The following ZNF469 variants were observed in gnomAD, a reference collection of about 807,000 sequenced individuals.
The protein encoded by ZNF469 is zinc finger protein 469.
Under a neutral mutation model 1.0 loss-of-function variants are expected in ZNF469, and 1 was observed. The observed-to-expected ratio is 1.00, with a 90% CI of 0.35 to 4.73. ZNF469 has a LOEUF of 4.73. ZNF469 is among the 30% of genes most tolerant of loss of function. ZNF469 has a pLI of 0.16. For synonymous variants in ZNF469, 2,703 were observed against 2,363.4 expected (o/e 1.14, Z -4.17); for missense variants, 6,100 against 5,356.3 (o/e 1.14, Z -4.33).
the ZNF469 span, among the ~76,000 whole-genome samples, chr16:88,210,892 C>T: frequency 1.3e-5 from 2 of 152,182 alleles, no homozygotes; most frequent in Non-Finnish European, 2.9e-5. Flanking sequence ...ACTGTGCTAA[C>T]GTGTTTATTT....
In ZNF469 at chr16:88,430,748, A is replaced by G. The variant is rs533979613; in HGVS notation, c.3278A>G (p.Asp1093Gly). Residue 1093 changes from aspartate (D) to glycine (G), a missense_variant, in exon 3 of 3, where the codon GAC becomes GGC. Physicochemically the swap from Asp to Gly is moderately conservative, Grantham distance 94 (BLOSUM62 -1). Coordinates refer to ENST00000565624, the MANE Select transcript of ZNF469 (RefSeq NM_001367624.2). The stretch of plus-strand genomic sequence containing the variant: ...GAGGACCGCAGGCTCCGCGAGTACG[A>G]CTTCGCCTCGGAGTCCGAGGAGGAC... ...GAEDRRLREYDFASESEEDEQ... is the reference protein window; with the variant it reads ...GAEDRRLREYGFASESEEDEQ... The G allele has an allele frequency of 1.2e-4, 185 of 1,505,954 alleles. 1 individual carries two copies. The South Asian group carries it at 2.2e-3, about 18-fold the overall frequency. The allele number at this position is 1,505,954 out of a possible 1,614,324, so 93.3% of individuals were successfully genotyped here.
the ZNF469 span, among the ~76,000 whole-genome samples, chr16:88,227,128 G>A: frequency 1.3e-5 from 2 of 151,610 alleles, no homozygotes; most frequent in Admixed American, 6.6e-5. Context: ...CCTCCACGCC[G>A]GGGCCTCCAC....
the ZNF469 span, among the ~76,000 whole-genome samples, chr16:88,147,582 A>G: frequency 0.027 from 4,092 of 152,072 alleles, 202 homozygotes; most frequent in African/African-American, 0.093. Flanking sequence ...GGGGCCTGTG[A>G]GTTGGAGGAG....
In ZNF469 at chr16:88,429,978, T is replaced by C. The variant is rs1447365697; in HGVS notation, c.2508T>C (p.Asp836=). The C allele has an allele frequency of 1.3e-6, 2 of 1,550,174 alleles. No homozygotes were observed. Among genetic ancestry groups the C allele is most frequent in the African/African-American group, 1.4e-5 (1 of 73,094 alleles). Residue 836 remains aspartate (D), a synonymous_variant, in exon 3 of 3, where the codon GAT becomes GAC. Coordinates refer to ENST00000565624, the MANE Select transcript of ZNF469 (RefSeq NM_001367624.2). ...CTGCCTCGGACCTGGACATGGAGGATGACGCCAAGCTGGACAGCCTCATCA... is the reference window on the plus strand; with the variant it reads ...CTGCCTCGGACCTGGACATGGAGGACGACGCCAAGCTGGACAGCCTCATCA... ...PLPASDLDME[D]DAKLDSLITE...
the ZNF469 span, among the ~76,000 whole-genome samples, chr16:88,187,535 C>T: frequency 6.6e-6 from 1 of 152,156 alleles, no homozygotes; most frequent in South Asian, 2.1e-4. Context: ...TGGCACCAGC[C>T]GGGACCCCAA....
the ZNF469 span, among the ~76,000 whole-genome samples, chr16:88,229,643 GTGC>G: frequency 8.8e-6 from 1 of 113,916 alleles, no homozygotes; most frequent in East Asian, 2.6e-4. Context: ...TCACGTGTGT[GTGC>G]TGATGTCACG....
chr16:88,295,891 G>A, the ZNF469 span, among the ~76,000 whole-genome samples: 3 of 152,204 alleles, frequency 2.0e-5, no homozygotes, highest in African/African-American at 4.8e-5. Context: ...CTCAACCTGC[G>A]TTCTGTCGCC....
chr16:88,144,797 A>G, the ZNF469 span, among the ~76,000 whole-genome samples: 1 of 151,730 alleles, frequency 6.6e-6, no homozygotes, highest in Non-Finnish European at 1.5e-5. Context: ...AGACGTGTCC[A>G]TATTCTAGAG....
At chr16:88,103,828 G>A in the ZNF469 span, among the ~76,000 whole-genome samples, 22 of 149,772 alleles carry the variant, frequency 1.5e-4, no homozygotes, top group South Asian at 8.4e-4. Flanking sequence ...AAAAGGGAGC[G>A]GTGGAATAAT....
upstream of ZNF469, among the ~76,000 whole-genome samples, chr16:88,380,443 T>C (rs1242463026): frequency 2.0e-5 from 2 of 97,674 alleles, no homozygotes; most frequent in South Asian, 7.4e-4. Flanking sequence ...ACATACACAG[T>C]CACACACAGA....
chr16:88,373,245 G>A, the ZNF469 span, among the ~76,000 whole-genome samples: 1 of 152,222 alleles, frequency 6.6e-6, no homozygotes, highest in Non-Finnish European at 1.5e-5. Flanking sequence ...GGCTCCTCCT[G>A]CAGTGGCCAC....
At position 88,437,802 on chromosome 16, in the gene ZNF469, GC is replaced by G; in HGVS notation, c.10333del (p.Arg3445GlyfsTer56). The G allele has an allele frequency of 6.5e-7, 1 of 1,545,252 alleles. No homozygotes were observed. Among genetic ancestry groups the G allele is most frequent in the Non-Finnish European group, 8.7e-7 (1 of 1,143,150 alleles). On this transcript the variant is annotated frameshift_variant, in exon 3 of 3. Coordinates refer to ENST00000565624, the MANE Select transcript of ZNF469 (RefSeq NM_001367624.2). LOFTEE classifies it low-confidence loss of function (END_TRUNC). ...ACATGAACAAGCACCTCAGGGGGGG[GC>G]GGCAGCCCTTCGCGTTCCGCGGCGT... ...RHMNKHLRGG[R>X]QPFAFRGVRR...
At chr16:88,334,417 T>C in the ZNF469 span, among the ~76,000 whole-genome samples, 16 of 152,348 alleles carry the variant, frequency 1.1e-4, no homozygotes, top group Middle Eastern at 6.8e-3. Flanking sequence ...TGAGCATCCC[T>C]GACCCAGCAT....
chr16:88,130,949 G>A, the ZNF469 span, among the ~76,000 whole-genome samples: 1 of 152,238 alleles, frequency 6.6e-6, no homozygotes, highest in East Asian at 1.9e-4. Flanking sequence ...GTCCCGATGA[G>A]GACGAGGTGC....
At chr16:88,316,250 C>A in the ZNF469 span, among the ~76,000 whole-genome samples, 1 of 152,224 alleles carries the variant, frequency 6.6e-6, no homozygotes, top group Non-Finnish European at 1.5e-5. Flanking sequence ...CTGGACGTAC[C>A]TTTTATACCT....
chr16:88,336,183 A>G, the ZNF469 span, among the ~76,000 whole-genome samples: 5 of 148,578 alleles, frequency 3.4e-5, no homozygotes, highest in African/African-American at 1.3e-4. Context: ...ACACACATTC[A>G]TCCTTCACTT....
At chr16:88,332,642 C>T in the ZNF469 span, among the ~76,000 whole-genome samples, 24 of 152,352 alleles carry the variant, frequency 1.6e-4, 1 homozygote, top group South Asian at 4.6e-3. Context: ...AGAGGGAAGG[C>T]ACCATGAAAA....
chr16:88,239,699 ATATATATATATATATATTTTTTTTTTT>A, the ZNF469 span, among the ~76,000 whole-genome samples: 15 of 12,222 alleles, frequency 1.2e-3, 2 homozygotes, highest in African/African-American at 6.0e-3. Flanking sequence ...ATATATATAT[ATATATATATATATATATTTTTTTTTTT>A]TTTTTTTTTT....
the ZNF469 span, among the ~76,000 whole-genome samples, chr16:88,212,220 C>A: frequency 6.6e-6 from 1 of 152,186 alleles, no homozygotes; most frequent in Non-Finnish European, 1.5e-5. Context: ...GCCTCGGAAT[C>A]ACTTGTTCCA....
Sources: gnomAD v4.1 joint callset for allele counts (sites outside exome capture counted in the v4.1 genomes callset) on GRCh38, gnomAD v4.1.1 for gene constraint, MANE v1.5 for transcripts, NCBI Gene and HGNC (gene_info 2026-07-23, HGNC 2026-07-21) for gene names.